Variants in HS6ST3 observed in about 807,000 individuals in gnomAD.
The protein encoded by HS6ST3 is heparan-sulfate 6-O-sulfotransferase 3.
A neutral mutation model predicts 36.7 loss-of-function variants in HS6ST3; 12 were observed. The observed-to-expected ratio is 0.33, with a 90% confidence interval of 0.21 to 0.53. The LOEUF (loss-of-function observed/expected upper bound fraction) is 0.53. HS6ST3 is among the 20% of genes least tolerant of loss of function. The probability of loss-of-function intolerance (pLI) is 0.95; values close to 1 mark genes in which losing one functional copy is unlikely to be tolerated. For missense variants in HS6ST3, 584 were observed against 640.9 expected (o/e 0.91, Z 0.96); for synonymous variants, 240 against 257.5 (o/e 0.93, Z 0.65).
intron 1 of HS6ST3, among the ~76,000 whole-genome samples, chr13:96,765,675 A>C (rs1227379371): frequency 6.6e-6 from 1 of 150,666 alleles, no homozygotes; most frequent in African/African-American, 2.5e-5. Flanking sequence ...TACCTCTCTT[A>C]TATTCACCTT....
intron 1 of HS6ST3, among the ~76,000 whole-genome samples, chr13:96,355,191 G>A (rs1225487702): frequency 6.6e-6 from 1 of 152,046 alleles, no homozygotes; most frequent in Non-Finnish European, 1.5e-5. Context: ...AAAACCTCCT[G>A]GAAAGGACTC....
intron 1 of HS6ST3, among the ~76,000 whole-genome samples, chr13:96,658,999 G>A (rs1310441941): frequency 6.6e-6 from 1 of 152,172 alleles, no homozygotes; most frequent in African/African-American, 2.4e-5. Flanking sequence ...GAACCTCTGT[G>A]CCTAGCCTGT....
chr13:96,680,380 T>C (rs1404172211), intron 1 of HS6ST3, among the ~76,000 whole-genome samples: 1 of 152,124 alleles, frequency 6.6e-6, no homozygotes, highest in Non-Finnish European at 1.5e-5. Context: ...ATGTAAGCCC[T>C]GTGAGATCCC....
chr13:96,826,331 GAA>G (rs1878646894), intron 1 of HS6ST3, among the ~76,000 whole-genome samples: 1 of 152,154 alleles, frequency 6.6e-6, no homozygotes, highest in Non-Finnish European at 1.5e-5. Flanking sequence ...GGAGAGGAAA[GAA>G]AGGCATATTT....
At chr13:96,599,254 G>A (rs1459920325) in intron 1 of HS6ST3, among the ~76,000 whole-genome samples, 7 of 152,034 alleles carry the variant, frequency 4.6e-5, no homozygotes. Flanking sequence ...GTTTGGCTGT[G>A]AATCTCTGGT....
chr13:96,147,070 T>G (rs898556524), intron 1 of HS6ST3, among the ~76,000 whole-genome samples: 1 of 152,216 alleles, frequency 6.6e-6, no homozygotes, highest in Non-Finnish European at 1.5e-5. Context: ...CTTTTAAAAG[T>G]CAAACTTTCA....
intron 1 of HS6ST3, among the ~76,000 whole-genome samples, chr13:96,553,475 T>G (rs1203875095): frequency 6.6e-6 from 1 of 151,488 alleles, no homozygotes; most frequent in Non-Finnish European, 1.5e-5. Flanking sequence ...GTTCCAGGAG[T>G]GTTTATGGAA....
At chr13:96,731,450 C>T (rs992092801) in intron 1 of HS6ST3, among the ~76,000 whole-genome samples, 4 of 152,006 alleles carry the variant, frequency 2.6e-5, no homozygotes, top group Non-Finnish European at 4.4e-5. Context: ...GTATAGTATC[C>T]CATTGTGTAT....
intron 1 of HS6ST3, among the ~76,000 whole-genome samples, chr13:96,797,458 A>G (rs1001832859): frequency 2.0e-5 from 3 of 152,096 alleles, no homozygotes; most frequent in Admixed American, 6.6e-5. Flanking sequence ...TAGAATTGCA[A>G]TAAGGGACCA....
At chr13:96,680,783 C>T (rs1221235818) in intron 1 of HS6ST3, among the ~76,000 whole-genome samples, 1 of 152,094 alleles carries the variant, frequency 6.6e-6, no homozygotes, top group Non-Finnish European at 1.5e-5. Context: ...TTTAAATTTC[C>T]AGGAAATTAT....
intron 1 of HS6ST3, among the ~76,000 whole-genome samples, chr13:96,608,277 A>C (rs2056445923): frequency 6.6e-6 from 1 of 152,228 alleles, no homozygotes; most frequent in Admixed American, 6.5e-5. Context: ...ATATTTCTTT[A>C]TAAAAGTAAT....
chr13:96,139,640 T>C (rs2054020278), intron 1 of HS6ST3, among the ~76,000 whole-genome samples: 1 of 151,210 alleles, frequency 6.6e-6, no homozygotes, highest in African/African-American at 2.4e-5. Context: ...CATGGTGAAG[T>C]GTACATCATG....
chr13:96,151,377 C>G (rs186126157), intron 1 of HS6ST3, among the ~76,000 whole-genome samples: 4 of 148,800 alleles, frequency 2.7e-5, no homozygotes, highest in Non-Finnish European at 4.4e-5. Context: ...GCACTCCAGC[C>G]TGGGCGGCAG....
At chr13:96,389,885 G>A (rs2055387337) in intron 1 of HS6ST3, among the ~76,000 whole-genome samples, 1 of 152,120 alleles carries the variant, frequency 6.6e-6, no homozygotes, top group South Asian at 2.1e-4. Context: ...GGTGAAAGTG[G>A]AAAATTAAAA....
intron 1 of HS6ST3, among the ~76,000 whole-genome samples, chr13:96,606,594 AGAGGGAGGGAGGGAGGGAGG>A (rs757536053): frequency 0.032 from 2,405 of 74,496 alleles, 84 homozygotes; most frequent in African/African-American, 0.097. Context: ...AGGGAGGGAC[AGAGGGAGGGAGGGAGGGAGG>A]GAGGGAGGGA....
At chr13:96,439,595 C>T (rs1054887641) in intron 1 of HS6ST3, among the ~76,000 whole-genome samples, 1 of 152,188 alleles carries the variant, frequency 6.6e-6, no homozygotes, top group Non-Finnish European at 1.5e-5. Context: ...ATTGCTCTTC[C>T]TACCTGTGCC....
chr13:96,653,118 A>C (rs904876686), intron 1 of HS6ST3, among the ~76,000 whole-genome samples: 2 of 152,046 alleles, frequency 1.3e-5, no homozygotes, highest in Non-Finnish European at 2.9e-5. Context: ...ACTTCACTGT[A>C]TTATTCAGCT....
chr13:96,806,222 C>T (rs1234705990), intron 1 of HS6ST3, among the ~76,000 whole-genome samples: 2 of 152,092 alleles, frequency 1.3e-5, no homozygotes, highest in Non-Finnish European at 2.9e-5. Flanking sequence ...TGGGCAGGTC[C>T]AAAACATTCC....
chr13:96,155,741 C>A (rs1320052966), intron 1 of HS6ST3, among the ~76,000 whole-genome samples: 1 of 152,156 alleles, frequency 6.6e-6, no homozygotes, highest in East Asian at 1.9e-4. Context: ...ATTTATCATA[C>A]TATTTTTCTG....
Sources: allele counts gnomAD v4.1 joint callset (sites outside exome capture counted in the v4.1 genomes callset), GRCh38; gene constraint gnomAD v4.1.1; transcripts MANE v1.5; gene names NCBI Gene and HGNC (gene_info 2026-07-23, HGNC 2026-07-21).